The following SPEF2 variants were observed in gnomAD, a reference collection of about 807,000 sequenced individuals.
SPEF2 encodes the protein sperm flagella and cilia-associated protein 2.
Under a neutral mutation model 224.6 loss-of-function variants are expected in SPEF2, and 187 were observed. That is an observed-to-expected ratio of 0.83 (90% CI 0.74 to 0.94). The LOEUF is 0.94. Ranked by LOEUF, SPEF2 falls within the 40% of genes least tolerant of loss-of-function variation. The pLI, the probability that SPEF2 is intolerant of heterozygous loss-of-function variation, is 0.00. For missense variants in SPEF2, 2,170 were observed against 2,135.6 expected (o/e 1.02, Z -0.32); for synonymous variants, 715 against 707.3 (o/e 1.01, Z -0.17).
rs142338941 is a variant in SPEF2, at chr5:35,810,658, T to A, written c.5379+3405T>A. Among the ~76,000 whole-genome samples, 923 of 152,274 alleles carry A rather than the reference T, an allele frequency of 6.1e-3. 6 individuals are homozygous for A. Among genetic ancestry groups the A allele is most frequent in the Non-Finnish European group, 0.011 (728 of 68,012 alleles). ...CCCTACCCCCTGTATTCCAGGAACA[T>A]CCTGACATACTGATCTCCAAAACCA... On this transcript the variant is annotated intron_variant, in intron 36 of 36. Transcript: ENST00000356031.
chr5:35,637,473 A>G (rs1179690782), intron 2 of SPEF2, among the ~76,000 whole-genome samples: 2 of 152,142 alleles, frequency 1.3e-5, no homozygotes, highest in Admixed American at 1.3e-4. Flanking sequence ...CACCTGTGTT[A>G]TAAGACTTCT....
chr5:35,669,320 T>A (rs1228073336), intron 9 of SPEF2, among the ~76,000 whole-genome samples: 1 of 152,078 alleles, frequency 6.6e-6, no homozygotes. Context: ...ATTTCACACA[T>A]CTTGTCTTGA....
At chr5:35,639,319 C>T (rs1746274038) in intron 2 of SPEF2, among the ~76,000 whole-genome samples, 1 of 152,138 alleles carries the variant, frequency 6.6e-6, no homozygotes, top group Non-Finnish European at 1.5e-5. Context: ...ATTCTTGGAA[C>T]AGCCCATTTT....
intron 26 of SPEF2, among the ~76,000 whole-genome samples, chr5:35,768,928 A>G (rs563610063): frequency 4.4e-4 from 67 of 152,276 alleles, no homozygotes; most frequent in Non-Finnish European, 8.5e-4. Flanking sequence ...TTAGTAGACC[A>G]TGTTAATTTT....
At chr5:35,721,026 AC>A (rs1420502404) in intron 20 of SPEF2, among the ~76,000 whole-genome samples, 1 of 152,220 alleles carries the variant, frequency 6.6e-6, no homozygotes, top group Non-Finnish European at 1.5e-5. Context: ...ATATCCCTTT[AC>A]AAATTTTGCC....
intron 21 of SPEF2, among the ~76,000 whole-genome samples, chr5:35,733,234 C>T (rs2149672315): frequency 6.6e-6 from 1 of 152,232 alleles, no homozygotes; most frequent in East Asian, 1.9e-4. Flanking sequence ...CCTGCCTCAG[C>T]CTCCTGAGTA....
chr5:35,659,495 T>C (rs1749415520), intron 8 of SPEF2, among the ~76,000 whole-genome samples: 1 of 152,192 alleles, frequency 6.6e-6, no homozygotes, highest in Non-Finnish European at 1.5e-5. Context: ...TTTGATTGTC[T>C]GAAGCTCTTT....
At chr5:35,807,399 C>T in intron 36 of SPEF2, 146 bp downstream of exon 36, 3 of 1,257,916 alleles carry the variant, frequency 2.4e-6, no homozygotes, top group Non-Finnish European at 3.3e-6. Flanking sequence ...AGCTGGTAAT[C>T]ACATCAGGCC....
In SPEF2 at chr5:35,644,635, C is replaced by T. The variant is rs1747092638; in HGVS notation, c.585+110C>T. The stretch of plus-strand genomic sequence containing the variant: ...AGTAGTGGAGCACAAGTTGCACTTC[C>T]CTGATGCATGACTTTGTCCTGCCCT... On this transcript the variant is annotated intron_variant, in intron 4 of 36. Coordinates refer to ENST00000356031, the MANE Select transcript of SPEF2 (RefSeq NM_024867.4). The T allele has an allele frequency of 7.7e-6, 6 of 779,642 alleles. No homozygotes were observed. The South Asian group carries it at 1.4e-4, about 19-fold the overall frequency. The allele number at this position is 779,642 out of a possible 1,614,324, so 48.3% of individuals were successfully genotyped here.
chr5:35,793,080 C>A, intron 31 of SPEF2, 79 bp from the exon 32 acceptor site: 1 of 1,316,376 alleles, frequency 7.6e-7, no homozygotes, highest in African/African-American at 1.5e-5. Flanking sequence ...GGGAAACTCT[C>A]ACTATGAAAA....
intron 5 of SPEF2, among the ~76,000 whole-genome samples, chr5:35,648,834 C>T (rs894845320): frequency 6.6e-6 from 1 of 151,814 alleles, no homozygotes; most frequent in Non-Finnish European, 1.5e-5. Flanking sequence ...GTCAACCTGG[C>T]GAAACCCTGT....
At chr5:35,723,343 A>G (rs1744103542) in intron 20 of SPEF2, among the ~76,000 whole-genome samples, 1 of 152,136 alleles carries the variant, frequency 6.6e-6, no homozygotes, top group South Asian at 2.1e-4. Flanking sequence ...TCACCTGGAA[A>G]CTTGTTAGAA....
chr5:35,647,562 C>A (rs1747563867), intron 5 of SPEF2, among the ~76,000 whole-genome samples: 1 of 152,112 alleles, frequency 6.6e-6, no homozygotes, highest in Non-Finnish European at 1.5e-5. Context: ...CATGCATGAT[C>A]CACCGCCATG....
intron 34 of SPEF2, among the ~76,000 whole-genome samples, chr5:35,802,982 C>T (rs1757629724): frequency 6.6e-6 from 1 of 152,224 alleles, no homozygotes; most frequent in Non-Finnish European, 1.5e-5. Flanking sequence ...CAGGGGACCA[C>T]TTATCTATTT....
intron 27 of SPEF2, 89 bp from the exon 28 acceptor site, chr5:35,773,804 A>G (rs1753220934): frequency 1.4e-6 from 2 of 1,443,288 alleles, no homozygotes; most frequent in East Asian, 2.4e-5. Flanking sequence ...TAGCTTAACA[A>G]ACTTTGCTTT....
chr5:35,642,136 A>G (rs980516416), intron 3 of SPEF2, among the ~76,000 whole-genome samples: 2 of 152,182 alleles, frequency 1.3e-5, no homozygotes, highest in Non-Finnish European at 2.9e-5. Context: ...ACCTGCTAAA[A>G]TGTCTCTCAA....
intron 19 of SPEF2, 86 bp downstream of exon 19, chr5:35,709,207 C>A: frequency 6.4e-7 from 1 of 1,559,342 alleles, no homozygotes; most frequent in Non-Finnish European, 8.6e-7. Context: ...TATCTACATT[C>A]AGACTTTGGG....
intron 20 of SPEF2, among the ~76,000 whole-genome samples, chr5:35,721,073 T>C (rs755492706): frequency 3.9e-5 from 6 of 152,244 alleles, no homozygotes; most frequent in African/African-American, 7.2e-5. Flanking sequence ...AACCTTGTTA[T>C]GCTTTTATTT....
At position 35,709,130 on chromosome 5, in the gene SPEF2, CAGAA is replaced by C; in HGVS notation, c.2839+10_2839+13del. ...AGGAAAACCTCAATCAGGTGATTGACAGAATGATTTATAATCCTGTTTTCAGTTT... is the reference window on the plus strand; with the variant it reads ...AGGAAAACCTCAATCAGGTGATTGACTGATTTATAATCCTGTTTTCAGTTT... On this transcript the variant is annotated intron_variant, in intron 19 of 36. Coordinates refer to ENST00000356031, the MANE Select transcript of SPEF2 (RefSeq NM_024867.4). 6.2e-7 allele frequency: 1 copy of C among 1,607,602 alleles called. No individual in the cohort carries two copies. Among genetic ancestry groups the C allele is most frequent in the Non-Finnish European group, 8.5e-7 (1 of 1,178,356 alleles).
Sources: allele counts gnomAD v4.1 joint callset (sites outside exome capture counted in the v4.1 genomes callset), GRCh38; gene constraint gnomAD v4.1.1; transcripts MANE v1.5; gene names NCBI Gene and HGNC (gene_info 2026-07-23, HGNC 2026-07-21).